Variants in RET observed in about 807,000 individuals in gnomAD.
RET encodes proto-oncogene tyrosine-protein kinase receptor Ret.
In RET, 19 loss-of-function variants were observed where a neutral mutation model predicts 118.3. The observed-to-expected ratio is 0.16, with a 90% CI of 0.11 to 0.24. The LOEUF (loss-of-function observed/expected upper bound fraction) is 0.24. Ranked by LOEUF, RET falls within the 10% of genes least tolerant of loss-of-function variation. The pLI is 1.00. For missense variants in RET, 1,219 were observed against 1,502.1 expected (o/e 0.81, Z 3.12); for synonymous variants, 597 against 644.1 (o/e 0.93, Z 1.11).
intron 1 of RET, among the ~76,000 whole-genome samples, chr10:43,089,688 C>T (rs1837370720): frequency 6.6e-6 from 1 of 152,230 alleles, no homozygotes; most frequent in African/African-American, 2.4e-5. Context: ...AAGGACACAC[C>T]ACACACAGGG....
chr10:43,087,974 C>T (rs985223481), intron 1 of RET, among the ~76,000 whole-genome samples: 12 of 150,904 alleles, frequency 8.0e-5, no homozygotes, highest in Admixed American at 2.0e-4. Flanking sequence ...TAGTGGAGGT[C>T]GTGATGATGG....
rs377767432 is a variant in RET, at chr10:43,121,980, C to A, written c.2765C>A (p.Ser922Tyr). 1 of 1,613,858 alleles carries A rather than the reference C, an allele frequency of 6.2e-7. No homozygotes were observed. Among genetic ancestry groups the A allele is most frequent in the Non-Finnish European group, 8.5e-7 (1 of 1,179,762 alleles). ...RIPVKWMAIE[S>Y]LFDHIYTTQS... ...CCAGTTAAATGGATGGCAATTGAAT[C>A]CCTTTTTGATCATATCTACACCACG... Residue 922 changes from serine to tyrosine, a missense_variant, in exon 16 of 20, where the codon TCC becomes TAC. Physicochemically the swap from Ser to Tyr is moderately radical, Grantham distance 144. Coordinates refer to ENST00000355710, the MANE Select transcript of RET (RefSeq NM_020975.6).
At chr10:43,086,360 C>T (rs777393255) in intron 1 of RET, among the ~76,000 whole-genome samples, 2 of 152,282 alleles carry the variant, frequency 1.3e-5, no homozygotes. Context: ...TGGGGTAGGG[C>T]GAAAATGGGC....
intron 11 of RET, among the ~76,000 whole-genome samples, chr10:43,115,452 C>T (rs900994268): frequency 6.6e-6 from 1 of 152,234 alleles, no homozygotes; most frequent in Non-Finnish European, 1.5e-5. Flanking sequence ...ACCCAGCCCT[C>T]GGTAAGGGTG....
rs1838396626 is a variant in RET at position 43,129,161 on chromosome 10, C to G, written c.*892C>G. 1 of 233,498 alleles carries G rather than the reference C, an allele frequency of 4.3e-6. No individual in the cohort carries two copies. 14.5% of individuals were successfully genotyped at this position (233,498 alleles called of 1,614,324 possible). On this transcript the variant is annotated 3_prime_UTR_variant, in exon 20 of 20. Transcript: ENST00000355710. ...GCTGTGAATCCCACCTGCCACCAGCCTGCAGCACACCCCACAGCCAAGTAG... is the reference window on the plus strand; with the variant it reads ...GCTGTGAATCCCACCTGCCACCAGCGTGCAGCACACCCCACAGCCAAGTAG...
rs763149032 is a variant in RET at position 43,120,182 on chromosome 10, T to A, written c.2709T>A (p.Asp903Glu). 1 of 1,613,158 alleles carries A rather than the reference T, an allele frequency of 6.2e-7. No individual in the cohort carries two copies. Among genetic ancestry groups the A allele is most frequent in the Admixed American group, 1.7e-5 (1 of 60,016 alleles). ...FGLSRDVYEEDSYVKRSQGRI... is the reference protein window; with the variant it reads ...FGLSRDVYEEESYVKRSQGRI... ...TGTCCCGAGATGTTTATGAAGAGGA[T>A]TCCTACGTGAAGAGGAGCCAGGTGC... The change falls in exon 15 of 20, where the codon GAT (aspartate) becomes GAA (glutamate). Residue 903 changes from aspartate (D) to glutamate (E), a missense_variant. Physicochemically the swap from Asp to Glu is conservative, Grantham distance 45. This residue lies in a region of RET where 73 missense variants were observed against 156.5 expected (regional missense o/e 0.47). Transcript: ENST00000355710.
chr10:43,117,777 G>A (rs1333294615), intron 12 of RET, among the ~76,000 whole-genome samples: 1 of 152,238 alleles, frequency 6.6e-6, no homozygotes, highest in Admixed American at 6.5e-5. Context: ...AGAATGTCAG[G>A]TGTGCAGTGC....
At position 43,114,442 on chromosome 10, in the gene RET, T is replaced by C. The variant is rs774503985; in HGVS notation, c.1880-38T>C. The stretch of plus-strand genomic sequence containing the variant: ...AGCCTGTACCCAGTGGTGCCGAGCC[T>C]CTGGCGGTGCCAAGCCTCACACCAC... On this transcript the variant is annotated intron_variant, in intron 10 of 19. Coordinates refer to ENST00000355710, the MANE Select transcript of RET (RefSeq NM_020975.6). This position sits in a 1 kb window ranked among gnomAD's most constrained non-coding sequence, Gnocchi z 4.6. 11 of 1,602,876 alleles carry C rather than the reference T, an allele frequency of 6.9e-6. No homozygotes were observed. In the East Asian group the frequency reaches 2.5e-4, roughly 36 times the overall value.
chr10:43,117,929 C>T (rs1368549778), intron 12 of RET, among the ~76,000 whole-genome samples: 2 of 152,134 alleles, frequency 1.3e-5, no homozygotes, highest in Admixed American at 6.5e-5. Flanking sequence ...CAGACAGGAG[C>T]GGGAAATGGG....
chr10:43,101,923 C>T lies in RET; in HGVS notation c.338-419C>T, dbSNP rs1002823735. The stretch of plus-strand genomic sequence containing the variant: ...CCCAGCTGAAATGGCTATGGCGCTT[C>T]GGTGATGGAACTTGCCGGAAATGCC... On this transcript the variant is annotated intron_variant, in intron 2 of 19. Transcript: ENST00000355710. Among the ~76,000 whole-genome samples the T allele has an allele frequency of 5.3e-5, 8 of 152,192 alleles. No homozygotes were observed. In the East Asian group the frequency reaches 5.8e-4, roughly 11 times the overall value.
chr10:43,111,148 TCAGGCCATTA>T (rs2132764051), intron 6 of RET, 49 bp from the exon 7 acceptor site: 1 of 1,606,870 alleles, frequency 6.2e-7, no homozygotes, highest in East Asian at 2.2e-5. Flanking sequence ...ATCTCTACCC[TCAGGCCATTA>T]CAGGCCGGTC....
At chr10:43,077,511 ACGCCTCGGGCCGGG>A (rs1206313197) in intron 1 of RET, among the ~76,000 whole-genome samples, 180 bp downstream of exon 1, 7 of 107,556 alleles carry the variant, frequency 6.5e-5, no homozygotes, top group African/African-American at 1.7e-4. Flanking sequence ...GAAGGGCAGG[ACGCCTCGGGCCGGG>A]CGCCTCGGGC....
At position 43,088,431 on chromosome 10, in the gene RET, G is replaced by A. The variant is rs77550934; in HGVS notation, c.73+11100G>A. 7.9e-5 allele frequency among the ~76,000 whole-genome samples: 12 copies of A among 152,182 alleles called. No homozygotes were observed. The East Asian group carries it at 2.1e-3, about 27-fold the overall frequency. ...TCATGATGGTGAAGGTGGGGATGGT[G>A]GTGGTGGAGGCAGTGGTAGTAGTGG... is the stretch of plus-strand genomic sequence containing the variant. On this transcript the variant is annotated intron_variant, in intron 1 of 19. Coordinates refer to ENST00000355710, the MANE Select transcript of RET (RefSeq NM_020975.6).
At chr10:43,099,578 G>A (rs1837592297) in intron 1 of RET, among the ~76,000 whole-genome samples, 1 of 151,984 alleles carries the variant, frequency 6.6e-6, no homozygotes, top group Non-Finnish European at 1.5e-5. Context: ...TAGATAAGAT[G>A]CACGGACCTT....
Position 43,114,852 on chromosome 10 carries a change from A to T in RET, c.2136+116A>T. On this transcript the variant is annotated intron_variant, in intron 11 of 19. Coordinates refer to ENST00000355710, the MANE Select transcript of RET (RefSeq NM_020975.6). The surrounding 1 kb of genome is among the most constrained non-coding windows in gnomAD (Gnocchi z 4.6). The stretch of plus-strand genomic sequence containing the variant: ...GTGAGGGGCTGCCAACGCTGGGCAG[A>T]CGAGGCCTGTGTTCTGCCCCCATTT... 1 of 1,148,824 alleles carries T rather than the reference A, an allele frequency of 8.7e-7. No homozygotes were observed. Among genetic ancestry groups the T allele is most frequent in the Non-Finnish European group, 1.2e-6 (1 of 826,112 alleles). 71.2% of individuals were successfully genotyped at this position (1,148,824 alleles called of 1,614,324 possible).
rs377767412 is a variant in RET at position 43,114,547 on chromosome 10, G to A, written c.1947G>A (p.Ser649=). The change falls in exon 11 of 20, where the codon TCG becomes TCA. Residue 649 remains serine (S), a synonymous_variant. Coordinates refer to ENST00000355710, the MANE Select transcript of RET (RefSeq NM_020975.6). The surrounding 1 kb of genome is among the most constrained non-coding windows in gnomAD (Gnocchi z 4.6). ...CTGTCCTCTTCTCCTTCATCGTCTCGGTGCTGCTGTCTGCCTTCTGCATCC... is the reference window on the plus strand; with the variant it reads ...CTGTCCTCTTCTCCTTCATCGTCTCAGTGCTGCTGTCTGCCTTCTGCATCC... ...AAAVLFSFIV[S]VLLSAFCIHC... The A allele has an allele frequency of 1.2e-6, 2 of 1,610,770 alleles. No homozygotes were observed. Among genetic ancestry groups the A allele is most frequent in the Non-Finnish European group, 1.7e-6 (2 of 1,179,966 alleles).
intron 19 of RET, chr10:43,127,350 C>A: frequency 9.4e-7 from 1 of 1,066,796 alleles, no homozygotes; most frequent in South Asian, 4.5e-5. Flanking sequence ...CCTTACCCAC[C>A]TTCAGGACGG....
chr10:43,105,191 G>A lies in RET; in HGVS notation c.865G>A (p.Glu289Lys). Residue 289 changes from glutamate to lysine, a missense_variant and splice_region_variant, in exon 4 of 20, where the codon GAG becomes AAG. Glu to Lys is a moderately conservative substitution (Grantham distance 56). Transcript: ENST00000355710. ...CGCCGTGGTGGAGTTCAAGCGGAAGGAGGTGCTTGTCCGCGCGTGCTGTGG... is the reference window on the plus strand; with the variant it reads ...CGCCGTGGTGGAGTTCAAGCGGAAGAAGGTGCTTGTCCGCGCGTGCTGTGG... ...ASAVVEFKRK[E>K]DTVVATLRVF... 2 of 1,612,790 alleles carry A rather than the reference G, an allele frequency of 1.2e-6. No individual in the cohort carries two copies. Among genetic ancestry groups the A allele is most frequent in the Non-Finnish European group, 1.7e-6 (2 of 1,179,896 alleles).
chr10:43,094,935 G>A (rs529885487), intron 1 of RET, among the ~76,000 whole-genome samples: 3 of 152,190 alleles, frequency 2.0e-5, no homozygotes, highest in South Asian at 4.1e-4. Context: ...CAATGTGTCC[G>A]CCTGAGTCTG....
Sources: gnomAD v4.1 joint callset for allele counts (sites outside exome capture counted in the v4.1 genomes callset) on GRCh38, gnomAD v4.1.1 for gene constraint, gnomAD v4.1.1 regional missense constraint, Gnocchi (gnomAD v3.1) non-coding constraint, MANE v1.5 for transcripts, NCBI Gene and HGNC (gene_info 2026-07-23, HGNC 2026-07-21) for gene names.